ZRANB3: variants seen among roughly 807,000 people sequenced by gnomAD.
ZRANB3 encodes DNA annealing helicase and endonuclease ZRANB3.
Under a neutral mutation model 133.8 loss-of-function variants are expected in ZRANB3, and 125 were observed. That is an observed-to-expected ratio of 0.93 (90% CI 0.81 to 1.08). ZRANB3 has a LOEUF of 1.08. Ranked by LOEUF, ZRANB3 falls within the 50% of genes least tolerant of loss-of-function variation. ZRANB3 has a pLI of 0.00. For synonymous variants in ZRANB3, 387 were observed against 432.7 expected, an observed-to-expected ratio of 0.89 and a Z score of 1.31; for missense variants, 1,229 against 1,275.5, an observed-to-expected ratio of 0.96 and a Z score of 0.56.
In ZRANB3 at chr2:135,401,586, C is replaced by T. The variant is rs563276317; in HGVS notation, c.162-10766G>A. Among the ~76,000 whole-genome samples the T allele has an allele frequency of 3.9e-5, 6 of 152,292 alleles. No individual in the cohort carries two copies. In the East Asian group the frequency reaches 1.2e-3, roughly 29 times the overall value. On this transcript the variant is annotated intron_variant, in intron 2 of 20. Coordinates refer to ENST00000264159, the MANE Select transcript of ZRANB3 (RefSeq NM_032143.4). ...ATGTGGCCAATGAGGCCTTAGTCAA[C>T]ATAACTAGGTGGTGATTCTGAGAAA...
At chr2:135,431,331 GAT>G (rs1558995253) in intron 2 of ZRANB3, among the ~76,000 whole-genome samples, 2 of 149,868 alleles carry the variant, frequency 1.3e-5, no homozygotes, top group Non-Finnish European at 1.5e-5. Context: ...AAAAGTAGAT[GAT>G]ATATATTGAT....
At chr2:135,225,697 C>T (rs1694731910) in intron 14 of ZRANB3, among the ~76,000 whole-genome samples, 1 of 152,096 alleles carries the variant, frequency 6.6e-6, no homozygotes, top group South Asian at 2.1e-4. Flanking sequence ...AATTTTTTCA[C>T]TATGATTTGG....
chr2:135,353,746 AT>A (rs1167561528), intron 3 of ZRANB3, 118 bp from the exon 4 acceptor site: 3 of 655,566 alleles, frequency 4.6e-6, no homozygotes, highest in African/African-American at 1.9e-5. Flanking sequence ...CATGACTGTA[AT>A]CCCAGCACTT....
At chr2:135,249,272 T>C (rs1558862090) in intron 12 of ZRANB3, among the ~76,000 whole-genome samples, 1 of 152,216 alleles carries the variant, frequency 6.6e-6, no homozygotes, top group Admixed American at 6.5e-5. Context: ...TAGAAATCAT[T>C]CTACCATAAA....
Position 135,353,435 on chromosome 2 carries a change from A to C in ZRANB3, c.359+15T>G. The C allele has an allele frequency of 1.9e-6, 3 of 1,539,876 alleles. No homozygotes were observed. The highest frequency in any genetic ancestry group is 2.6e-6 in the Non-Finnish European group (3 of 1,144,716). On this transcript the variant is annotated intron_variant, in intron 4 of 20. Coordinates refer to ENST00000264159, the MANE Select transcript of ZRANB3 (RefSeq NM_032143.4). Reference sequence around the variant, plus strand: ...GGAAGACTTTTCTCCTTAAATATTAAACAGTTGTTCTTACCTAACATCAGT... The same window carrying C: ...GGAAGACTTTTCTCCTTAAATATTACACAGTTGTTCTTACCTAACATCAGT...
At chr2:135,356,344 A>G (rs1040865748) in intron 3 of ZRANB3, among the ~76,000 whole-genome samples, 1 of 152,182 alleles carries the variant, frequency 6.6e-6, no homozygotes, top group East Asian at 1.9e-4. Context: ...ACCTCAATGT[A>G]GCCATTCTAC....
At chr2:135,351,826 G>C (rs919221257) in intron 4 of ZRANB3, among the ~76,000 whole-genome samples, 1 of 152,258 alleles carries the variant, frequency 6.6e-6, no homozygotes, top group Non-Finnish European at 1.5e-5. Flanking sequence ...ACATTGGGTA[G>C]TTTTTCTGTC....
intron 3 of ZRANB3, among the ~76,000 whole-genome samples, chr2:135,371,684 T>C (rs192676358): frequency 4.9e-4 from 75 of 152,332 alleles, no homozygotes; most frequent in African/African-American, 1.8e-3. Flanking sequence ...CTTAAACTTA[T>C]TTAGAAAACC....
chr2:135,444,001 T>A (rs58312230), intron 2 of ZRANB3, among the ~76,000 whole-genome samples: 6,738 of 152,166 alleles, frequency 0.044, 502 homozygotes, highest in African/African-American at 0.15. Context: ...GAGACAATAC[T>A]TAATGGCAAA....
intron 15 of ZRANB3, 56 bp from the exon 16 acceptor site, chr2:135,219,234 T>A: frequency 9.1e-7 from 1 of 1,103,996 alleles, no homozygotes; most frequent in Non-Finnish European, 1.3e-6. Context: ...CACTAGTAAC[T>A]ATTTTAAATG....
intron 2 of ZRANB3, among the ~76,000 whole-genome samples, chr2:135,401,680 G>A (rs962125426): frequency 7.2e-5 from 11 of 152,084 alleles, no homozygotes; most frequent in Admixed American, 3.3e-4. Context: ...CCTGCATCAC[G>A]CAATGATGCC....
intron 6 of ZRANB3, among the ~76,000 whole-genome samples, chr2:135,343,432 G>A (rs1048853514): frequency 8.0e-5 from 12 of 149,598 alleles, no homozygotes; most frequent in Non-Finnish European, 1.5e-4. Context: ...TTCTGCATTT[G>A]TAGTCTCGTT....
At chr2:135,505,687 G>A (rs755101438) in intron 1 of ZRANB3, among the ~76,000 whole-genome samples, 1 of 151,988 alleles carries the variant, frequency 6.6e-6, no homozygotes, top group Non-Finnish European at 1.5e-5. Context: ...AGAAGGTCAA[G>A]AACAAAGCAA....
chr2:135,517,401 C>T (rs1275762389), intron 1 of ZRANB3, among the ~76,000 whole-genome samples: 1 of 152,024 alleles, frequency 6.6e-6, no homozygotes, highest in Non-Finnish European at 1.5e-5. Flanking sequence ...TCCTCATCTT[C>T]GTGGATTTAT....
At chr2:135,481,704 G>C (rs1383755105) in intron 2 of ZRANB3, among the ~76,000 whole-genome samples, 2 of 150,722 alleles carry the variant, frequency 1.3e-5, no homozygotes, top group East Asian at 1.9e-4. Context: ...CCTATGTCCT[G>C]AATGGTAATG....
At chr2:135,439,697 T>C (rs182919833) in intron 2 of ZRANB3, among the ~76,000 whole-genome samples, 83 of 152,342 alleles carry the variant, frequency 5.4e-4, no homozygotes, top group Admixed American at 2.7e-3. Flanking sequence ...TGGAATCACC[T>C]GGCAAACTGA....
At chr2:135,219,278 C>T (rs1694439201) in intron 15 of ZRANB3, 100 bp from the exon 16 acceptor site, 1 of 782,524 alleles carries the variant, frequency 1.3e-6, no homozygotes, top group African/African-American at 1.9e-5. Flanking sequence ...TATGCCTAGT[C>T]TCCTAAAAGA....
At chr2:135,508,019 T>C (rs748596599) in intron 1 of ZRANB3, among the ~76,000 whole-genome samples, 4 of 152,146 alleles carry the variant, frequency 2.6e-5, no homozygotes, top group Non-Finnish European at 5.9e-5. Context: ...CCTTTACATT[T>C]TACTTAGTAA....
chr2:135,217,622 G>A lies in ZRANB3; in HGVS notation c.2353-15C>T, dbSNP rs1694365875. On this transcript the variant is annotated splice_polypyrimidine_tract_variant and intron_variant, in intron 16 of 20. Transcript: ENST00000264159. The stretch of plus-strand genomic sequence containing the variant: ...AATCTCAAAATCTGGCAGAAAATGA[G>A]ATAATAAGAGTTAACAGCTCACAGG... 1.2e-6 allele frequency: 2 copies of A among 1,608,040 alleles called. No homozygotes were observed. The highest frequency in any genetic ancestry group is 2.7e-5 in the African/African-American group (2 of 74,736).
Sources: allele counts gnomAD v4.1 joint callset (sites outside exome capture counted in the v4.1 genomes callset), GRCh38; gene constraint gnomAD v4.1.1; transcripts MANE v1.5; gene names NCBI Gene and HGNC (gene_info 2026-07-23, HGNC 2026-07-21).